IL1RAPL1: variants seen among roughly 807,000 people sequenced by gnomAD.
IL1RAPL1 encodes interleukin 1 receptor accessory protein like 1.
A neutral mutation model predicts 48.4 loss-of-function variants in IL1RAPL1; 3 were observed. The ratio of observed to expected loss-of-function variants is 0.06; its 90% CI spans 0.03 to 0.16. IL1RAPL1 has a LOEUF of 0.16. Ranked by LOEUF, IL1RAPL1 falls within the 10% of genes least tolerant of loss-of-function variation. The pLI is 1.00. For synonymous variants in IL1RAPL1, 185 were observed against 187.7 expected (o/e 0.99, Z 0.12); for missense variants, 349 against 530.6 (o/e 0.66, Z 3.36).
At chrX:28,778,529 C>G (rs189146679) in intron 1 of IL1RAPL1, among the ~76,000 whole-genome samples, 1 of 111,854 alleles carries the variant, frequency 8.9e-6, no homozygotes, top group East Asian at 2.8e-4. Context: ...AGCTGAATTA[C>G]AGTGGAGGGC....
At chrX:28,635,353 T>C (rs975158988) in intron 1 of IL1RAPL1, among the ~76,000 whole-genome samples, 8 of 111,942 alleles carry the variant, frequency 7.1e-5, no homozygotes, top group Admixed American at 9.5e-5. Context: ...TGACTTACGA[T>C]GATTTGATCT....
chrX:29,308,408 A>G (rs1043135654), intron 3 of IL1RAPL1, among the ~76,000 whole-genome samples: 7 of 111,932 alleles, frequency 6.3e-5, no homozygotes, highest in African/African-American at 2.3e-4. Flanking sequence ...CCAGTGGAAT[A>G]GAATATTCAG....
Position 29,614,041 on chromosome X carries a change from C to T in IL1RAPL1, c.704-54389C>T, listed in dbSNP as rs182065829. 5.1e-3 allele frequency among the ~76,000 whole-genome samples: 567 copies of T among 110,413 alleles called. 2 individuals carry two copies. The highest frequency in any genetic ancestry group is 0.018 in the African/African-American group (533 of 30,379). On this transcript the variant is annotated intron_variant, in intron 5 of 10. Coordinates refer to ENST00000378993, the MANE Select transcript of IL1RAPL1 (RefSeq NM_014271.4). ...GCCTCCCAAAGTCCTGGATTACAGG[C>T]GTGAGCCACCGTGCCTGGCAGAGAA...
At position 28,789,443 on chromosome X, in the gene IL1RAPL1, A is replaced by G; in HGVS notation, c.82+18A>G. On this transcript the variant is annotated intron_variant, in intron 2 of 10. Coordinates refer to ENST00000378993, the MANE Select transcript of IL1RAPL1 (RefSeq NM_014271.4). ...AGGCTCCGGTAAGCAGTATTCCTCT[A>G]TTTTTTATGTGTTTTTATAGCTTAA... The G allele has an allele frequency of 8.9e-7, 1 of 1,126,197 alleles. No individual in the cohort carries two copies. The highest frequency in any genetic ancestry group is 1.2e-6 in the Non-Finnish European group (1 of 817,868). 92.8% of individuals were successfully genotyped at this position (1,126,197 alleles called of 1,213,427 possible).
chrX:28,797,613 C>T (rs73630088), intron 2 of IL1RAPL1, among the ~76,000 whole-genome samples: 2,533 of 111,550 alleles, frequency 0.023, 57 homozygotes, highest in African/African-American at 0.078. Flanking sequence ...CATCTCAGAA[C>T]GCCTCAGCCC....
intron 6 of IL1RAPL1, among the ~76,000 whole-genome samples, chrX:29,895,804 A>C (rs1372633958): frequency 8.9e-6 from 1 of 111,843 alleles, no homozygotes; most frequent in Non-Finnish European, 1.9e-5. Flanking sequence ...ATCCAAATGG[A>C]GATGTCCATG....
At chrX:28,730,948 C>T (rs753384352) in intron 1 of IL1RAPL1, among the ~76,000 whole-genome samples, 6 of 111,180 alleles carry the variant, frequency 5.4e-5, no homozygotes, top group Non-Finnish European at 9.4e-5. Context: ...ATCTTAGGGC[C>T]ACTGAGATCA....
chrX:29,586,239 G>A (rs966269088), intron 5 of IL1RAPL1, among the ~76,000 whole-genome samples: 2 of 111,417 alleles, frequency 1.8e-5, no homozygotes, highest in Non-Finnish European at 3.8e-5. Flanking sequence ...GTAAAACAAG[G>A]ATCCCATTTT....
At chrX:28,959,920 G>A (rs1374626209) in intron 2 of IL1RAPL1, among the ~76,000 whole-genome samples, 1 of 111,642 alleles carries the variant, frequency 9.0e-6, no homozygotes, top group Non-Finnish European at 1.9e-5. Flanking sequence ...TAAATGAAAT[G>A]TGCTCTTTTC....
chrX:28,945,361 C>A (rs762454090), intron 2 of IL1RAPL1, among the ~76,000 whole-genome samples: 9 of 111,239 alleles, frequency 8.1e-5, no homozygotes, highest in African/African-American at 2.9e-4. Context: ...AAATGCCCAT[C>A]AATGATAGAC....
chrX:29,448,141 C>T (rs1934633861), intron 5 of IL1RAPL1, among the ~76,000 whole-genome samples: 1 of 111,428 alleles, frequency 9.0e-6, no homozygotes, highest in Non-Finnish European at 1.9e-5. Flanking sequence ...CATGGGGAAC[C>T]ACTGAGATTT....
chrX:28,753,941 A>AGG (rs1491156081), intron 1 of IL1RAPL1, among the ~76,000 whole-genome samples: 1 of 110,573 alleles, frequency 9.0e-6, no homozygotes, highest in African/African-American at 3.3e-5. Flanking sequence ...AGAGAGAGAG[A>AGG]CAGAGAAAGA....
intron 6 of IL1RAPL1, among the ~76,000 whole-genome samples, chrX:29,808,436 T>G (rs1355718468): frequency 1.8e-5 from 2 of 111,694 alleles, no homozygotes; most frequent in Non-Finnish European, 3.8e-5. Flanking sequence ...TTTTAAAATT[T>G]ATAGAGTTGC....
intron 1 of IL1RAPL1, among the ~76,000 whole-genome samples, chrX:28,628,461 G>A (rs189802584): frequency 2.5e-4 from 28 of 112,111 alleles, no homozygotes; most frequent in Non-Finnish European, 4.9e-4. Flanking sequence ...TTTCCCTTCT[G>A]GGAGCAGCTG....
At chrX:29,426,860 A>G (rs1176899209) in intron 5 of IL1RAPL1, among the ~76,000 whole-genome samples, 1 of 111,166 alleles carries the variant, frequency 9.0e-6, no homozygotes, top group Non-Finnish European at 1.9e-5. Context: ...TTAAATTTAC[A>G]TGTAAGTTTC....
At chrX:28,859,103 A>G (rs1360077978) in intron 2 of IL1RAPL1, among the ~76,000 whole-genome samples, 1 of 112,339 alleles carries the variant, frequency 8.9e-6, no homozygotes, top group Non-Finnish European at 1.9e-5. Context: ...CCAGTGGATC[A>G]TTCTTTGAAG....
chrX:29,058,187 T>A (rs746199439), intron 2 of IL1RAPL1, among the ~76,000 whole-genome samples: 45 of 109,944 alleles, frequency 4.1e-4, no homozygotes, highest in South Asian at 3.9e-4. Context: ...CATCCTGGCC[T>A]ACATGGTGAA....
chrX:29,310,537 A>G (rs1036887796), intron 3 of IL1RAPL1, among the ~76,000 whole-genome samples: 1 of 111,931 alleles, frequency 8.9e-6, no homozygotes, highest in Non-Finnish European at 1.9e-5. Flanking sequence ...GAACATTAAC[A>G]TAATGGAGAG....
At chrX:28,848,774 C>T (rs763120105) in intron 2 of IL1RAPL1, among the ~76,000 whole-genome samples, 39 of 111,473 alleles carry the variant, frequency 3.5e-4, no homozygotes, top group African/African-American at 1.0e-3. Context: ...ATTAGAAGGA[C>T]GAAGACAACA....
Sources: allele counts gnomAD v4.1 joint callset (sites outside exome capture counted in the v4.1 genomes callset), GRCh38; gene constraint gnomAD v4.1.1; transcripts MANE v1.5; gene names NCBI Gene and HGNC (gene_info 2026-07-23, HGNC 2026-07-21).